Variants in HMGCLL1 observed in about 807,000 individuals in gnomAD.
HMGCLL1 encodes 3-hydroxy-3-methylglutaryl-CoA lyase like 1, also known as 3-hydroxymethyl-3-methylglutaryl-CoA lyase, cytoplasmic.
HMGCLL1 carries 36 observed loss-of-function variants against 39.1 expected under a neutral mutation model. The observed-to-expected ratio is 0.92, with a 90% confidence interval of 0.71 to 1.22. The LOEUF is 1.22. HMGCLL1 is among the 50% of genes most tolerant of loss of function. HMGCLL1 has a pLI of 0.00. For synonymous variants in HMGCLL1, 149 were observed against 144.0 expected, an observed-to-expected ratio of 1.03 and a Z score of -0.25; for missense variants, 451 against 416.5, an observed-to-expected ratio of 1.08 and a Z score of -0.72.
At chr6:55,596,822 C>T in the HMGCLL1 span, among the ~76,000 whole-genome samples, 1 of 152,096 alleles carries the variant, frequency 6.6e-6, no homozygotes, top group Non-Finnish European at 1.5e-5. Context: ...CAATCATTTG[C>T]CAAGTTAGCA....
chr6:55,471,930 C>T (rs1765066214), intron 7 of HMGCLL1, among the ~76,000 whole-genome samples: 1 of 151,778 alleles, frequency 6.6e-6, no homozygotes, highest in South Asian at 2.1e-4. Flanking sequence ...AAACAATATA[C>T]TTTATCATGT....
intron 7 of HMGCLL1, among the ~76,000 whole-genome samples, chr6:55,485,689 A>G (rs563654781): frequency 2.6e-5 from 4 of 152,196 alleles, no homozygotes; most frequent in Non-Finnish European, 4.4e-5. Context: ...CATTAAACAT[A>G]TGAAAGAACT....
intron 1 of HMGCLL1, among the ~76,000 whole-genome samples, chr6:55,550,196 A>G (rs1215542894): frequency 6.6e-6 from 1 of 151,990 alleles, no homozygotes; most frequent in Non-Finnish European, 1.5e-5. Flanking sequence ...GGTGAAATCT[A>G]TACCTTTGGA....
At chr6:55,584,972 T>G in the HMGCLL1 span, among the ~76,000 whole-genome samples, 1 of 151,962 alleles carries the variant, frequency 6.6e-6, no homozygotes, top group African/African-American at 2.4e-5. Flanking sequence ...AAAAAAGCTT[T>G]CATCATATCA....
the HMGCLL1 span, among the ~76,000 whole-genome samples, chr6:55,656,827 A>G: frequency 6.6e-6 from 1 of 152,012 alleles, no homozygotes; most frequent in Non-Finnish European, 1.5e-5. Context: ...GACAAGGACT[A>G]GAGGGCAATG....
At chr6:55,552,382 T>C (rs1252140895) in intron 1 of HMGCLL1, among the ~76,000 whole-genome samples, 1 of 152,040 alleles carries the variant, frequency 6.6e-6, no homozygotes, top group Non-Finnish European at 1.5e-5. Context: ...CCTACTCCAG[T>C]ATCTGCTATC....
At chr6:55,443,426 C>T (rs1763688925) in intron 7 of HMGCLL1, among the ~76,000 whole-genome samples, 1 of 152,122 alleles carries the variant, frequency 6.6e-6, no homozygotes, top group African/African-American at 2.4e-5. Flanking sequence ...AGGATCAAGA[C>T]CCTGCAACTA....
intron 3 of HMGCLL1, among the ~76,000 whole-genome samples, chr6:55,525,071 C>T (rs557874099): frequency 2.7e-3 from 413 of 151,414 alleles, no homozygotes; most frequent in Non-Finnish European, 4.8e-3. Flanking sequence ...CTTCCTGACC[C>T]CAGCAACTTC....
At chr6:55,584,892 A>G in the HMGCLL1 span, among the ~76,000 whole-genome samples, 1 of 152,054 alleles carries the variant, frequency 6.6e-6, no homozygotes, top group African/African-American at 2.4e-5. Flanking sequence ...GTGATGTGGT[A>G]CAGCCTTAAA....
the HMGCLL1 span, among the ~76,000 whole-genome samples, chr6:55,612,262 G>A: frequency 3.3e-5 from 5 of 151,954 alleles, no homozygotes; most frequent in Non-Finnish European, 1.5e-5. Context: ...GCCTTTTCAA[G>A]GAAAACTACA....
At chr6:55,618,020 G>T in the HMGCLL1 span, among the ~76,000 whole-genome samples, 1 of 152,040 alleles carries the variant, frequency 6.6e-6, no homozygotes, top group African/African-American at 2.4e-5. Flanking sequence ...TCGAAATAAT[G>T]CATGTAGTAT....
intron 7 of HMGCLL1, among the ~76,000 whole-genome samples, chr6:55,465,152 A>G (rs1158199575): frequency 6.6e-6 from 1 of 152,184 alleles, no homozygotes; most frequent in Non-Finnish European, 1.5e-5. Context: ...GTTTAAACAC[A>G]TACCTGGTTT....
chr6:55,571,341 T>C (rs2127476367), intron 1 of HMGCLL1, among the ~76,000 whole-genome samples: 1 of 152,316 alleles, frequency 6.6e-6, no homozygotes, highest in East Asian at 1.9e-4. Context: ...TAAACAATCT[T>C]TTTCTCAAGA....
intron 7 of HMGCLL1, among the ~76,000 whole-genome samples, chr6:55,470,548 A>G (rs1304600417): frequency 4.6e-5 from 7 of 151,858 alleles, no homozygotes. Flanking sequence ...TTTAACTTTT[A>G]GATTTCTGCT....
the HMGCLL1 span, among the ~76,000 whole-genome samples, chr6:55,657,832 T>TAA: frequency 1.2e-4 from 18 of 151,942 alleles, no homozygotes; most frequent in Admixed American, 2.0e-4. Context: ...CTACATGTTC[T>TAA]AATTTATAAG....
At chr6:55,547,967 A>G (rs757260383) in intron 1 of HMGCLL1, among the ~76,000 whole-genome samples, 7 of 152,044 alleles carry the variant, frequency 4.6e-5, no homozygotes, top group Non-Finnish European at 1.0e-4. Context: ...TAGAATGGAA[A>G]GGTGACTCAA....
chr6:55,576,052 C>T (rs1771746123), intron 1 of HMGCLL1, among the ~76,000 whole-genome samples: 1 of 152,112 alleles, frequency 6.6e-6, no homozygotes, highest in Admixed American at 6.5e-5. Context: ...TTGAGAATCC[C>T]GTGGTGAATT....
intron 8 of HMGCLL1, among the ~76,000 whole-genome samples, chr6:55,436,081 T>C (rs1364127499): frequency 6.6e-6 from 1 of 151,656 alleles, no homozygotes; most frequent in African/African-American, 2.4e-5. Context: ...AGAAAAGCAG[T>C]CAACAAAGCA....
chr6:55,656,629 TG>T, the HMGCLL1 span, among the ~76,000 whole-genome samples: 1 of 151,944 alleles, frequency 6.6e-6, no homozygotes, highest in Non-Finnish European at 1.5e-5. Context: ...AGAAGGAAAC[TG>T]GGATTCTGAA....
Sources: allele counts gnomAD v4.1 joint callset (sites outside exome capture counted in the v4.1 genomes callset), GRCh38; gene constraint gnomAD v4.1.1; transcripts MANE v1.5; gene names NCBI Gene and HGNC (gene_info 2026-07-23, HGNC 2026-07-21).